Variants in WWOX observed in about 807,000 individuals in gnomAD.
WWOX encodes the protein WW domain-containing oxidoreductase.
In WWOX, 69 loss-of-function variants were observed where a neutral mutation model predicts 46.2. That is an observed-to-expected ratio of 1.49 (90% confidence interval 1.23 to 1.82). The LOEUF (loss-of-function observed/expected upper bound fraction) is 1.82. Among genes scored for constraint, WWOX ranks in the 40% most tolerant of loss-of-function variants. The pLI is 0.00. For synonymous variants in WWOX, 359 were observed against 202.6 expected (o/e 1.77, Z -6.56); for missense variants, 919 against 542.6 (o/e 1.69, Z -6.89).
chr16:78,820,998 G>C (rs762054947), intron 8 of WWOX, among the ~76,000 whole-genome samples: 7 of 152,152 alleles, frequency 4.6e-5, no homozygotes, highest in Non-Finnish European at 8.8e-5. Flanking sequence ...CCACCTAATT[G>C]AGTATGATCT....
chr16:78,603,315 G>C (rs1403295690), intron 8 of WWOX, among the ~76,000 whole-genome samples: 1 of 152,190 alleles, frequency 6.6e-6, no homozygotes, highest in Admixed American at 6.5e-5. Flanking sequence ...CCTCTCACCA[G>C]CATCAACTGC....
At chr16:78,420,562 G>A (rs2082901014) in intron 6 of WWOX, among the ~76,000 whole-genome samples, 1 of 151,838 alleles carries the variant, frequency 6.6e-6, no homozygotes, top group Non-Finnish European at 1.5e-5. Flanking sequence ...TAAAATGTCC[G>A]GAATAGGCGA....
At chr16:78,587,174 T>C (rs1308784550) in intron 8 of WWOX, among the ~76,000 whole-genome samples, 1 of 148,006 alleles carries the variant, frequency 6.8e-6, no homozygotes, top group Non-Finnish European at 1.5e-5. Flanking sequence ...CACAAGCAGA[T>C]GCCACCATGC....
At chr16:78,734,826 G>GTGGGGACTT (rs2142395371) in intron 8 of WWOX, among the ~76,000 whole-genome samples, 2 of 137,520 alleles carry the variant, frequency 1.5e-5, no homozygotes, top group East Asian at 4.5e-4. Flanking sequence ...GATGACTCAG[G>GTGGGGACTT]TGGGGACTTC....
intron 5 of WWOX, among the ~76,000 whole-genome samples, chr16:78,314,540 T>A (rs1184304833): frequency 1.0e-4 from 15 of 149,694 alleles, no homozygotes. Flanking sequence ...TTTTTTTTTT[T>A]TGAGTCGGAG....
At chr16:78,403,049 G>C (rs1403387868) in intron 6 of WWOX, among the ~76,000 whole-genome samples, 3 of 152,228 alleles carry the variant, frequency 2.0e-5, no homozygotes, top group Non-Finnish European at 4.4e-5. Context: ...GCACACGGCT[G>C]TCAGGGGCTT....
At chr16:78,695,234 A>G (rs2048073693) in intron 8 of WWOX, among the ~76,000 whole-genome samples, 2 of 152,076 alleles carry the variant, frequency 1.3e-5, no homozygotes, top group African/African-American at 4.8e-5. Flanking sequence ...TTCTATTATT[A>G]TTATTATTAT....
At chr16:78,355,996 ACTT>A (rs2081277563) in intron 5 of WWOX, among the ~76,000 whole-genome samples, 1 of 150,916 alleles carries the variant, frequency 6.6e-6, no homozygotes, top group Admixed American at 6.6e-5. Context: ...ATAATTCACA[ACTT>A]CTTAAGCTAA....
chr16:79,209,401 T>C (rs1254444477), intron 8 of WWOX, among the ~76,000 whole-genome samples: 1 of 152,228 alleles, frequency 6.6e-6, no homozygotes, highest in Non-Finnish European at 1.5e-5. Context: ...AGAATTCTGC[T>C]TTTTGCTTTC....
intron 8 of WWOX, among the ~76,000 whole-genome samples, chr16:78,524,287 C>CT (rs1340645674): frequency 6.6e-6 from 1 of 152,126 alleles, no homozygotes; most frequent in African/African-American, 2.4e-5. Flanking sequence ...GAGCAATACT[C>CT]TTTTTTTGTT....
At chr16:78,205,846 G>GTCCT (rs538463131) in intron 5 of WWOX, among the ~76,000 whole-genome samples, 3,157 of 145,154 alleles carry the variant, frequency 0.022, 61 homozygotes, top group South Asian at 0.084. Flanking sequence ...CCTTCCTTCC[G>GTCCT]TCCTTCCTTC....
intron 5 of WWOX, among the ~76,000 whole-genome samples, chr16:78,230,277 TA>T (rs1230771526): frequency 2.0e-5 from 3 of 152,190 alleles, no homozygotes; most frequent in Non-Finnish European, 2.9e-5. Flanking sequence ...ACAGTGAGAA[TA>T]GCTGCAGTTA....
At chr16:79,037,615 G>A (rs1023020745) in intron 8 of WWOX, among the ~76,000 whole-genome samples, 5 of 152,126 alleles carry the variant, frequency 3.3e-5, no homozygotes, top group African/African-American at 1.2e-4. Flanking sequence ...AGAAGCTGAG[G>A]CAGGATGGGC....
chr16:78,395,377 G>C (rs1467501966), intron 6 of WWOX, among the ~76,000 whole-genome samples: 3 of 152,044 alleles, frequency 2.0e-5, no homozygotes, highest in Non-Finnish European at 4.4e-5. Context: ...AAATTAGTTG[G>C]GTGTGGTGGT....
At chr16:79,089,738 A>G (rs1412300012) in intron 8 of WWOX, among the ~76,000 whole-genome samples, 1 of 152,190 alleles carries the variant, frequency 6.6e-6, no homozygotes, top group Admixed American at 6.5e-5. Flanking sequence ...ACAGATTACC[A>G]TATTAGTTGC....
intron 8 of WWOX, among the ~76,000 whole-genome samples, chr16:78,718,296 G>A (rs1483653237): frequency 6.6e-6 from 1 of 151,200 alleles, no homozygotes; most frequent in Non-Finnish European, 1.5e-5. Context: ...AGTCCGTGAG[G>A]GATTCTCACT....
intron 8 of WWOX, among the ~76,000 whole-genome samples, chr16:79,176,807 A>G (rs1567599805): frequency 6.6e-6 from 1 of 152,152 alleles, no homozygotes; most frequent in East Asian, 1.9e-4. Flanking sequence ...TTGTAAGGCA[A>G]AAAGACCCCT....
chr16:78,588,023 C>G (rs909105742), intron 8 of WWOX, among the ~76,000 whole-genome samples: 2 of 152,206 alleles, frequency 1.3e-5, no homozygotes, highest in Non-Finnish European at 2.9e-5. Context: ...ACCTGCAATT[C>G]AGTTCAGCAT....
chr16:78,345,142 C>T (rs566113439), intron 5 of WWOX, among the ~76,000 whole-genome samples: 2 of 118,060 alleles, frequency 1.7e-5, no homozygotes, highest in African/African-American at 5.7e-5. Context: ...ACTGTCAAGT[C>T]GATCAGGTGG....
Sources: allele counts gnomAD v4.1 joint callset (sites outside exome capture counted in the v4.1 genomes callset), GRCh38; gene constraint gnomAD v4.1.1; transcripts MANE v1.5; gene names NCBI Gene and HGNC (gene_info 2026-07-23, HGNC 2026-07-21).